Variants in RLN2 observed in about 807,000 individuals in gnomAD.
The protein encoded by RLN2 is prorelaxin H2.
Under a neutral mutation model 7.3 loss-of-function variants are expected in RLN2, and 10 were observed. The ratio of observed to expected loss-of-function variants is 1.36; its 90% CI spans 0.84 to 2.31. RLN2 has a LOEUF of 2.31. Among genes scored for constraint, RLN2 ranks in the 30% most tolerant of loss-of-function variants. The pLI, the probability that RLN2 is intolerant of heterozygous loss-of-function variation, is 0.00. For missense variants in RLN2, 298 were observed against 217.6 expected (o/e 1.37, Z -2.32); for synonymous variants, 103 against 82.3 (o/e 1.25, Z -1.36).
chr9:5,307,252 TGATAGATAGATAGATAGAGGATA>T, upstream of RLN2, among the ~76,000 whole-genome samples: 1 of 143,970 alleles, frequency 6.9e-6, no homozygotes, highest in African/African-American at 2.6e-5. Flanking sequence ...GATAGATAGA[TGATAGATAGATAGATAGAGGATA>T]GATAGATAGA....
rs1368471114 is a variant in RLN2 at position 5,304,698 on chromosome 9, C to T, written c.-118G>A. The T allele has an allele frequency of 4.0e-6, 4 of 993,700 alleles. No homozygotes were observed. Among genetic ancestry groups the T allele is most frequent in the African/African-American group, 1.6e-5 (1 of 62,358 alleles). The allele number at this position is 993,700 out of a possible 1,614,324, so 61.6% of individuals were successfully genotyped here. A position where few individuals can be genotyped will look rare whatever the true frequency, so the allele number is the denominator to read the frequency against. ...CGGGCTTTAGGCTGCTTTCCCTACC[C>T]GGCTCAAGCGGTCTTTTGTATCCCT... On this transcript the variant is annotated 5_prime_UTR_variant, in exon 1 of 2. Coordinates refer to ENST00000381627, the MANE Select transcript of RLN2 (RefSeq NM_134441.3).
At chr9:5,312,970 T>C in the RLN2 span, among the ~76,000 whole-genome samples, 10 of 152,038 alleles carry the variant, frequency 6.6e-5, no homozygotes, top group African/African-American at 2.4e-4. Context: ...TTTTCTTAAA[T>C]TTGTTAAGAC....
upstream of RLN2, among the ~76,000 whole-genome samples, chr9:5,309,314 T>C (rs1816306276): frequency 6.6e-6 from 1 of 152,092 alleles, no homozygotes; most frequent in Admixed American, 6.5e-5. Context: ...GTCTCTCTAA[T>C]ACAGAAATCA....
At chr9:5,309,318 G>C (rs1187592576), upstream of RLN2, among the ~76,000 whole-genome samples, 2 of 152,022 alleles carry the variant, frequency 1.3e-5, no homozygotes, top group Non-Finnish European at 2.9e-5. Context: ...CTCTAATACA[G>C]AAATCATGAT....
At chr9:5,335,505 G>A in the RLN2 span, 6 of 1,613,166 alleles carry the variant, frequency 3.7e-6, 2 homozygotes, top group East Asian at 1.3e-4. Flanking sequence ...CTCTCAGATA[G>A]GGCTGCCTTC....
chr9:5,301,734 G>T (rs530780169), intron 1 of RLN2, among the ~76,000 whole-genome samples: 1 of 152,248 alleles, frequency 6.6e-6, no homozygotes, highest in Non-Finnish European at 1.5e-5. Flanking sequence ...AGACAGCGGT[G>T]GTTCTGGGGC....
At chr9:5,339,261 C>A in the RLN2 span, 1 of 289,696 alleles carries the variant, frequency 3.5e-6, no homozygotes, top group Non-Finnish European at 5.9e-6. Context: ...GACTGCCTTA[C>A]GGAAAGGGCA....
In RLN2 at chr9:5,304,459, C is replaced by G. The variant is rs760922825; in HGVS notation, c.122G>C (p.Arg41Pro). 8 of 1,613,304 alleles carry G rather than the reference C, an allele frequency of 5.0e-6. No individual in the cohort carries two copies. In the South Asian group the frequency reaches 8.8e-5, roughly 18 times the overall value. The stretch of plus-strand genomic sequence containing the variant: ...CATGCCGCAAATGGCAATCTGCGCG[C>G]GAACTAATTCGCGGCCGCATAATTT... ...VIKLCGRELV[R>P]AQIAICGMST... Residue 41 changes from arginine to proline, a missense_variant, in exon 1 of 2, where the codon CGC (arginine) becomes CCC (proline). By Grantham distance (103) the Arg-to-Pro change is moderately radical. Coordinates refer to ENST00000381627, the MANE Select transcript of RLN2 (RefSeq NM_134441.3).
the RLN2 span, among the ~76,000 whole-genome samples, chr9:5,325,695 T>C: frequency 6.6e-6 from 1 of 152,080 alleles, no homozygotes; most frequent in East Asian, 1.9e-4. Flanking sequence ...CATTATTCAC[T>C]TCGGTTTGAT....
the RLN2 span, among the ~76,000 whole-genome samples, chr9:5,327,385 A>T: frequency 6.6e-6 from 1 of 151,958 alleles, no homozygotes; most frequent in Non-Finnish European, 1.5e-5. Context: ...TCACAGTGTA[A>T]ACAAAGAGGC....
the RLN2 span, among the ~76,000 whole-genome samples, chr9:5,329,160 G>A: frequency 1.1e-4 from 16 of 150,662 alleles, no homozygotes; most frequent in East Asian, 5.8e-4. Context: ...AAAATTAGCC[G>A]GGCGCGGTGG....
chr9:5,316,779 A>C, the RLN2 span, among the ~76,000 whole-genome samples: 4 of 152,020 alleles, frequency 2.6e-5, no homozygotes, highest in Non-Finnish European at 5.9e-5. Flanking sequence ...TTTATAGCAG[A>C]ATGATTTATA....
upstream of RLN2, among the ~76,000 whole-genome samples, chr9:5,307,050 C>G (rs577505268): frequency 6.6e-6 from 1 of 151,942 alleles, no homozygotes; most frequent in African/African-American, 2.4e-5. Flanking sequence ...CTCTTGGGAC[C>G]ATGAGGTGTG....
chr9:5,310,901 A>G, the RLN2 span, among the ~76,000 whole-genome samples: 1 of 152,122 alleles, frequency 6.6e-6, no homozygotes, highest in East Asian at 1.9e-4. Context: ...TTATCAATTA[A>G]GAATAAGAAA....
At chr9:5,329,309 CAAAAA>C in the RLN2 span, among the ~76,000 whole-genome samples, 1 of 53,300 alleles carries the variant, frequency 1.9e-5, no homozygotes, top group Non-Finnish European at 3.5e-5. Context: ...GACTCCATCT[CAAAAA>C]AAAAAAAAAA....
the RLN2 span, among the ~76,000 whole-genome samples, chr9:5,319,644 T>C: frequency 6.6e-6 from 1 of 151,994 alleles, no homozygotes; most frequent in Non-Finnish European, 1.5e-5. Flanking sequence ...TATGGGATCA[T>C]TAGTCAAAGG....
the RLN2 span, among the ~76,000 whole-genome samples, chr9:5,331,890 A>C: frequency 6.6e-6 from 1 of 152,062 alleles, no homozygotes; most frequent in Non-Finnish European, 1.5e-5. Context: ...GTATCTATTA[A>C]TATGAAAAAT....
chr9:5,335,419 C>A, the RLN2 span: 4 of 1,612,904 alleles, frequency 2.5e-6, no homozygotes, highest in Admixed American at 1.7e-5. Context: ...GAATAAGTTT[C>A]TTAAATTCTT....
the RLN2 span, among the ~76,000 whole-genome samples, chr9:5,334,741 G>GA: frequency 6.6e-6 from 1 of 151,602 alleles, no homozygotes; most frequent in African/African-American, 2.4e-5. Context: ...AATTAAAAAG[G>GA]AAAAAAAATA....
Sources: gnomAD v4.1 joint callset for allele counts (sites outside exome capture counted in the v4.1 genomes callset) on GRCh38, gnomAD v4.1.1 for gene constraint, MANE v1.5 for transcripts, NCBI Gene and HGNC (gene_info 2026-07-23, HGNC 2026-07-21) for gene names.